Variants in PLEKHH2 observed in about 807,000 individuals in gnomAD.
PLEKHH2 encodes pleckstrin homology, MyTH4 and FERM domain containing H2.
A neutral mutation model predicts 187.9 loss-of-function variants in PLEKHH2; 129 were observed. The ratio of observed to expected loss-of-function variants is 0.69; its 90% confidence interval spans 0.59 to 0.79. The LOEUF (loss-of-function observed/expected upper bound fraction) is 0.79, where lower values mean the gene tolerates loss of function less well. Among genes scored for constraint, PLEKHH2 ranks in the 30% least tolerant of loss-of-function variants. The probability of loss-of-function intolerance (pLI) is 0.00; values close to 1 mark genes in which losing one functional copy is unlikely to be tolerated. For missense variants in PLEKHH2, 2,076 were observed against 1,751.2 expected (o/e 1.19, Z -3.31); for synonymous variants, 686 against 605.6 (o/e 1.13, Z -1.95).
chr2:43,677,603 C>T (rs6754637), intron 2 of PLEKHH2, among the ~76,000 whole-genome samples: 98,048 of 150,024 alleles, frequency 0.65, 32,872 homozygotes, highest in Middle Eastern at 0.74. Context: ...TACTTCTTTC[C>T]ACACAGACAC....
At chr2:43,707,219 C>A (rs1572593914) in intron 10 of PLEKHH2, among the ~76,000 whole-genome samples, 182 bp from the exon 11 acceptor site, 1 of 109,704 alleles carries the variant, frequency 9.1e-6, no homozygotes, top group Non-Finnish European at 1.9e-5. Flanking sequence ...AAAAAAAATT[C>A]TATGCTATGA....
chr2:43,702,063 C>T (rs1669400318), intron 8 of PLEKHH2, among the ~76,000 whole-genome samples: 1 of 152,232 alleles, frequency 6.6e-6, no homozygotes, highest in Non-Finnish European at 1.5e-5. Context: ...CACGCCACTG[C>T]ACCTGGTCTG....
At chr2:43,731,456 T>C (rs1671032850) in intron 18 of PLEKHH2, 34 bp from the exon 19 acceptor site, 16 of 1,370,264 alleles carry the variant, frequency 1.2e-5, no homozygotes, top group Non-Finnish European at 1.5e-5. Context: ...AGTGGTTTAT[T>C]CAGTTTTCTG....
intron 2 of PLEKHH2, chr2:43,675,490 A>T (rs1206787945): frequency 6.2e-7 from 1 of 1,614,010 alleles, no homozygotes; most frequent in Non-Finnish European, 8.5e-7. Flanking sequence ...TTGGGGGGTC[A>T]GTCCATTGAA....
chr2:43,672,864 T>C (rs1400891191), intron 2 of PLEKHH2, among the ~76,000 whole-genome samples: 1 of 152,210 alleles, frequency 6.6e-6, no homozygotes, highest in Non-Finnish European at 1.5e-5. Flanking sequence ...CACCTAGATA[T>C]AGACAACTCC....
At chr2:43,707,260 A>G in intron 10 of PLEKHH2, 141 bp from the exon 11 acceptor site, 2 of 815,250 alleles carry the variant, frequency 2.5e-6, no homozygotes, top group South Asian at 2.7e-5. Context: ...TGTTATCTAA[A>G]AAGAGTGATA....
chr2:43,643,631 A>C (rs1277800103), intron 1 of PLEKHH2, among the ~76,000 whole-genome samples: 1 of 152,112 alleles, frequency 6.6e-6, no homozygotes, highest in Non-Finnish European at 1.5e-5. Context: ...CTTCAACTGC[A>C]GTTCCATTCC....
At chr2:43,652,881 G>A (rs1666556437) in intron 2 of PLEKHH2, among the ~76,000 whole-genome samples, 1 of 152,176 alleles carries the variant, frequency 6.6e-6, no homozygotes, top group African/African-American at 2.4e-5. Context: ...GAAAGGAAAG[G>A]ATAGTGCATC....
In PLEKHH2 at chr2:43,738,541, A is replaced by C. The variant is rs1287598646; in HGVS notation, c.3123+21A>C. 3 of 1,557,102 alleles carry C rather than the reference A, an allele frequency of 1.9e-6. No homozygotes were observed. In the Admixed American group the frequency reaches 5.5e-5, roughly 29 times the overall value. On this transcript the variant is annotated intron_variant, in intron 20 of 29. Transcript: ENST00000282406. ...TGCAGGTAGATATTAATATTGATAC[A>C]TATACATGCAATTTAAAGTGTTTTT...
In PLEKHH2 at chr2:43,740,954, G is replaced by A. The variant is rs1312489058; in HGVS notation, c.3132G>A (p.Gln1044=). The part of the protein sequence containing the change: ...QNQPGPLQGW[Q]LLALCVGLFL... ...TGCTTCTCCCTGCCCAGGGCTGGCA[G>A]CTCTTGGCACTCTGCGTTGGGCTCT... is the stretch of plus-strand genomic sequence containing the variant. Residue 1044 remains glutamine, a synonymous_variant, in exon 21 of 30, where the codon CAG becomes CAA. Transcript: ENST00000282406. 1.2e-6 allele frequency: 2 copies of A among 1,613,646 alleles called. No individual in the cohort carries two copies. Among genetic ancestry groups the A allele is most frequent in the Non-Finnish European group, 1.7e-6 (2 of 1,179,800 alleles).
intron 15 of PLEKHH2, among the ~76,000 whole-genome samples, chr2:43,714,115 TGC>T (rs1268596284): frequency 2.0e-5 from 3 of 152,234 alleles, no homozygotes; most frequent in Non-Finnish European, 4.4e-5. Context: ...TAATGAGCTA[TGC>T]TCTTGTTTCA....
In PLEKHH2 at chr2:43,753,448, C is replaced by T. The variant is rs754067962; in HGVS notation, c.3654-171C>T. Among the ~76,000 whole-genome samples, 25 of 152,012 alleles carry T rather than the reference C, an allele frequency of 1.6e-4. 1 individual carries two copies. The highest frequency in any genetic ancestry group is 2.6e-4 in the Admixed American group (4 of 15,246). On this transcript the variant is annotated intron_variant, in intron 24 of 29. Transcript: ENST00000282406. The stretch of plus-strand genomic sequence containing the variant: ...CTCAAAGCAGTTTTTTCTTATTTTG[C>T]GGAAAGTACTAAATAGAACAGAAAC...
At chr2:43,669,251 C>G (rs1377323415) in intron 2 of PLEKHH2, among the ~76,000 whole-genome samples, 5 of 152,000 alleles carry the variant, frequency 3.3e-5, no homozygotes, top group Non-Finnish European at 5.9e-5. Flanking sequence ...ATACTAGTAG[C>G]CAATAAACAT....
At chr2:43,712,176 C>A (rs1342282758) in intron 14 of PLEKHH2, 49 bp from the exon 15 acceptor site, 2 of 1,573,334 alleles carry the variant, frequency 1.3e-6, no homozygotes, top group Non-Finnish European at 1.7e-6. Context: ...TGCTAACAAT[C>A]CTAAATCTTC....
intron 2 of PLEKHH2, chr2:43,658,640 C>G (rs574135204): frequency 1.3e-5 from 2 of 152,304 alleles, no homozygotes; most frequent in East Asian, 3.9e-4. Flanking sequence ...AAGCCTCAGT[C>G]CCTAAGTGTG....
At chr2:43,747,779 T>C (rs769665248) in intron 24 of PLEKHH2, among the ~76,000 whole-genome samples, 2 of 152,186 alleles carry the variant, frequency 1.3e-5, no homozygotes, top group South Asian at 4.1e-4. Flanking sequence ...GGTGGAATTA[T>C]TGGAGTGGTA....
chr2:43,675,540 C>G (rs1667707160), intron 2 of PLEKHH2: 1 of 1,613,828 alleles, frequency 6.2e-7, no homozygotes, highest in African/African-American at 1.3e-5. Flanking sequence ...CTACTACTTG[C>G]TGAGGGTTAT....
At chr2:43,684,664 C>CA (rs781675358) in intron 3 of PLEKHH2, among the ~76,000 whole-genome samples, 2 of 151,906 alleles carry the variant, frequency 1.3e-5, no homozygotes, top group African/African-American at 2.4e-5. Context: ...TCAGGGCCAA[C>CA]CACTGGTCTT....
In PLEKHH2 at chr2:43,700,273, C is replaced by T. The variant is rs765285227; in HGVS notation, c.1315C>T (p.Pro439Ser). The change falls in exon 8 of 30, where the codon CCA becomes TCA. Residue 439 changes from proline to serine, a missense_variant. Coordinates refer to ENST00000282406, the MANE Select transcript of PLEKHH2 (RefSeq NM_172069.4). Reference sequence around the variant, plus strand: ...AGTGCCTTCATCACACCTGCCACCCCCAAAGTTAAGGATTCCTAATGTTTT... The same window carrying T: ...AGTGCCTTCATCACACCTGCCACCCTCAAAGTTAAGGATTCCTAATGTTTT... Reference protein sequence around the residue: ...QLVPSSHLPPPKLRIPNVFSI... With the variant: ...QLVPSSHLPPSKLRIPNVFSI... 6.2e-7 allele frequency: 1 copy of T among 1,614,124 alleles called. No individual in the cohort carries two copies.
Sources: gnomAD v4.1 joint callset for allele counts (sites outside exome capture counted in the v4.1 genomes callset) on GRCh38, gnomAD v4.1.1 for gene constraint, MANE v1.5 for transcripts, NCBI Gene and HGNC (gene_info 2026-07-23, HGNC 2026-07-21) for gene names.